Variants in F13A1 observed in about 807,000 individuals in gnomAD.
F13A1 encodes the protein coagulation factor XIII A chain, also known as FSF, A subunit.
Under a neutral mutation model 80.1 loss-of-function variants are expected in F13A1, and 47 were observed. That is an observed-to-expected ratio of 0.59 (90% confidence interval 0.46 to 0.75). F13A1 has a LOEUF of 0.75. Among genes scored for constraint, F13A1 ranks in the 30% least tolerant of loss-of-function variants. F13A1 has a pLI of 0.00. For missense variants in F13A1, 817 were observed against 930.4 expected, an observed-to-expected ratio of 0.88 and a Z score of 1.59; for synonymous variants, 349 against 344.9, an observed-to-expected ratio of 1.01 and a Z score of -0.13.
At chr6:6,299,035 G>A (rs1413400618) in intron 3 of F13A1, among the ~76,000 whole-genome samples, 1 of 147,360 alleles carries the variant, frequency 6.8e-6, no homozygotes, top group Non-Finnish European at 1.5e-5. Context: ...TATGAAATTC[G>A]GGGTTGAAAA....
intron 2 of F13A1, among the ~76,000 whole-genome samples, chr6:6,307,387 T>C (rs568971523): frequency 7.9e-5 from 12 of 152,324 alleles, no homozygotes; most frequent in Middle Eastern, 3.4e-3. Context: ...TCTAGACCTC[T>C]CTATTCCAAG....
intron 3 of F13A1, chr6:6,305,121 G>A (rs1758493509): frequency 1.7e-6 from 1 of 594,298 alleles, no homozygotes; most frequent in Non-Finnish European, 3.0e-6. Context: ...CATTATACCA[G>A]TTTTACTTTT....
rs969199322 is a variant in F13A1, at chr6:6,158,831, G to T, written c.1909-6882C>A. On this transcript the variant is annotated intron_variant, in intron 13 of 14. Transcript: ENST00000264870. ...AATGAAACTACAGTTAAGTCTCACA[G>T]TGTAGCCAGTCACTGTCATGTACTT... 2.6e-5 allele frequency among the ~76,000 whole-genome samples: 4 copies of T among 152,198 alleles called. No homozygotes were observed. The Middle Eastern group carries it at 0.01, about 388-fold the overall frequency.
chr6:6,317,021 G>A (rs535975129), intron 2 of F13A1, among the ~76,000 whole-genome samples: 4 of 152,256 alleles, frequency 2.6e-5, no homozygotes, highest in East Asian at 1.9e-4. Flanking sequence ...TGGCAAGGAC[G>A]GTTGTGTCAT....
intron 8 of F13A1, among the ~76,000 whole-genome samples, chr6:6,201,849 C>T (rs1031742936): frequency 1.4e-4 from 22 of 151,964 alleles, no homozygotes; most frequent in African/African-American, 5.3e-4. Context: ...AGATATTTAG[C>T]ATTTTTGCTG....
intron 10 of F13A1, among the ~76,000 whole-genome samples, chr6:6,185,866 C>T (rs1761072492): frequency 6.6e-6 from 1 of 151,970 alleles, no homozygotes; most frequent in Admixed American, 6.6e-5. Context: ...TATTTCTCCA[C>T]ATCCTCTCCA....
chr6:6,297,275 G>T (rs1254536647), intron 3 of F13A1, among the ~76,000 whole-genome samples: 6 of 152,098 alleles, frequency 3.9e-5, no homozygotes, highest in Non-Finnish European at 7.3e-5. Context: ...ATGACTTAGG[G>T]AGGATTCCCT....
At chr6:6,212,953 A>G (rs1761646394) in intron 8 of F13A1, among the ~76,000 whole-genome samples, 1 of 152,216 alleles carries the variant, frequency 6.6e-6, no homozygotes, top group Non-Finnish European at 1.5e-5. Context: ...AATGAATGAA[A>G]TGAAGTGAGA....
chr6:6,161,274 C>T (rs898487543), intron 13 of F13A1, among the ~76,000 whole-genome samples: 1 of 152,154 alleles, frequency 6.6e-6, no homozygotes, highest in Admixed American at 6.5e-5. Context: ...ACTCAGGCCA[C>T]TGGCCCACTT....
At chr6:6,257,007 C>G (rs1757712559) in intron 4 of F13A1, among the ~76,000 whole-genome samples, 1 of 152,120 alleles carries the variant, frequency 6.6e-6, no homozygotes, top group African/African-American at 2.4e-5. Context: ...AATGGTTTGG[C>G]CCTTCCAAAA....
chr6:6,160,883 A>G (rs186931428), intron 13 of F13A1, among the ~76,000 whole-genome samples: 6 of 151,374 alleles, frequency 4.0e-5, no homozygotes, highest in Admixed American at 1.3e-4. Flanking sequence ...ATTTGGAGAC[A>G]TCTGTTTGCT....
chr6:6,166,992 T>A (rs1385885273), intron 13 of F13A1, among the ~76,000 whole-genome samples: 1 of 152,196 alleles, frequency 6.6e-6, no homozygotes, highest in African/African-American at 2.4e-5. Flanking sequence ...TACAAAATCA[T>A]CATCAAGCTG....
intron 8 of F13A1, among the ~76,000 whole-genome samples, chr6:6,212,608 A>G (rs573810183): frequency 7.2e-5 from 11 of 152,362 alleles, no homozygotes; most frequent in African/African-American, 2.6e-4. Context: ...TGGAAACTCT[A>G]AAAAGCAGAG....
chr6:6,281,301 C>T (rs1192636297), intron 3 of F13A1, among the ~76,000 whole-genome samples: 1 of 152,188 alleles, frequency 6.6e-6, no homozygotes, highest in East Asian at 1.9e-4. Flanking sequence ...CTTTACTTCA[C>T]ATTCTGAAGA....
chr6:6,277,042 C>CTA (rs1757997869), intron 3 of F13A1, among the ~76,000 whole-genome samples: 1 of 152,074 alleles, frequency 6.6e-6, no homozygotes, highest in Non-Finnish European at 1.5e-5. Flanking sequence ...ACACACCTCA[C>CTA]TATATTCCCT....
rs1355205770 is a variant in F13A1, at chr6:6,218,072, G to C, written c.1112+3961C>G. Among the ~76,000 whole-genome samples, 3 of 152,202 alleles carry C rather than the reference G, an allele frequency of 2.0e-5. No homozygotes were observed. The East Asian group carries it at 5.8e-4, about 29-fold the overall frequency. ...TCCGGTGGGGAAAAGCTGAGAGGAG[G>C]ACACCAACCCTCACCCAGAATCATC... On this transcript the variant is annotated intron_variant, in intron 8 of 14. Coordinates refer to ENST00000264870, the MANE Select transcript of F13A1 (RefSeq NM_000129.4).
At chr6:6,253,504 G>A (rs772634728) in intron 4 of F13A1, among the ~76,000 whole-genome samples, 2 of 152,166 alleles carry the variant, frequency 1.3e-5, no homozygotes, top group Non-Finnish European at 2.9e-5. Context: ...AAGGATGAGA[G>A]GCACCAGAGC....
intron 2 of F13A1, among the ~76,000 whole-genome samples, chr6:6,313,343 G>C (rs2113198932): frequency 6.9e-6 from 1 of 144,688 alleles, no homozygotes; most frequent in East Asian, 2.1e-4. Context: ...CTTTCAAAGT[G>C]ACAGCTTTCA....
At chr6:6,163,701 G>A (rs1760614848) in intron 13 of F13A1, among the ~76,000 whole-genome samples, 2 of 152,136 alleles carry the variant, frequency 1.3e-5, no homozygotes, top group African/African-American at 2.4e-5. Context: ...GCTGCATTGT[G>A]TCCAGTCTAC....
Sources: gnomAD v4.1 joint callset for allele counts (sites outside exome capture counted in the v4.1 genomes callset) on GRCh38, gnomAD v4.1.1 for gene constraint, MANE v1.5 for transcripts, NCBI Gene and HGNC (gene_info 2026-07-23, HGNC 2026-07-21) for gene names.